ZNF536: variants seen among roughly 807,000 people sequenced by gnomAD.
ZNF536 encodes zinc finger protein 536.
Under a neutral mutation model 84.5 loss-of-function variants are expected in ZNF536, and 13 were observed. The observed-to-expected ratio is 0.15, with a 90% CI of 0.10 to 0.24. The LOEUF is 0.24. ZNF536 is among the 10% of genes least tolerant of loss of function. The pLI is 1.00. For synonymous variants in ZNF536, 811 were observed against 742.5 expected (o/e 1.09, Z -1.50); for missense variants, 1,536 against 1,747.5 (o/e 0.88, Z 2.16).
At chr19:30,537,111 G>C (rs780402534) in intron 3 of ZNF536, among the ~76,000 whole-genome samples, 5 of 152,196 alleles carry the variant, frequency 3.3e-5, no homozygotes, top group Non-Finnish European at 5.9e-5. Flanking sequence ...GGCTGTGTCT[G>C]TTTGTCCAGC....
intron 2 of ZNF536, among the ~76,000 whole-genome samples, chr19:30,304,449 A>G (rs2046286743): frequency 6.6e-6 from 1 of 152,208 alleles, no homozygotes; most frequent in Non-Finnish European, 1.5e-5. Flanking sequence ...AGGAAAGCTG[A>G]GGTCCAGAGA....
At chr19:30,642,640 A>T (rs77452029) in intron 1 of ZNF536, among the ~76,000 whole-genome samples, 1 of 152,304 alleles carries the variant, frequency 6.6e-6, no homozygotes, top group African/African-American at 2.4e-5. Context: ...GGAAATTTTG[A>T]TCATCAGAAG....
chr19:30,410,501 G>A (rs1215951723), intron 1 of ZNF536, among the ~76,000 whole-genome samples: 6 of 136,956 alleles, frequency 4.4e-5, no homozygotes, highest in African/African-American at 6.3e-5. Flanking sequence ...TTGAGACGGA[G>A]TCTCGCTCTG....
intron 2 of ZNF536, among the ~76,000 whole-genome samples, chr19:30,349,286 C>T (rs1292911109): frequency 3.3e-5 from 5 of 152,250 alleles, no homozygotes; most frequent in Non-Finnish European, 5.9e-5. Flanking sequence ...ATGGCTTTCA[C>T]ACATGCAGGC....
intron 1 of ZNF536, among the ~76,000 whole-genome samples, chr19:30,434,484 A>G (rs2051619974): frequency 6.6e-6 from 1 of 152,214 alleles, no homozygotes; most frequent in Middle Eastern, 3.2e-3. Context: ...CAGCCCAACA[A>G]GAATAAATGT....
chr19:30,383,753 C>CT, intron 1 of ZNF536, among the ~76,000 whole-genome samples: 1 of 5,384 alleles, frequency 1.9e-4, no homozygotes, highest in African/African-American at 6.0e-4. Flanking sequence ...CTCTTTCTTT[C>CT]TTTCTCTTTC....
At chr19:30,458,249 G>A (rs2052949250) in intron 2 of ZNF536, among the ~76,000 whole-genome samples, 1 of 151,982 alleles carries the variant, frequency 6.6e-6, no homozygotes, top group African/African-American at 2.4e-5. Flanking sequence ...GGGAATTTGG[G>A]TGGGGAAGTG....
At chr19:30,395,409 G>A (rs1157971779) in intron 1 of ZNF536, among the ~76,000 whole-genome samples, 1 of 152,200 alleles carries the variant, frequency 6.6e-6, no homozygotes, top group East Asian at 1.9e-4. Flanking sequence ...TTAAAACCCA[G>A]CCCTGCTGGT....
At chr19:30,361,778 C>T (rs560280288) in intron 3 of ZNF536, among the ~76,000 whole-genome samples, 5 of 138,054 alleles carry the variant, frequency 3.6e-5, no homozygotes, top group Admixed American at 3.6e-4. Flanking sequence ...CTGAATCTGC[C>T]CCTGCGGGCG....
chr19:30,597,820 A>G (rs2047519374), intron 1 of ZNF536, among the ~76,000 whole-genome samples: 1 of 151,910 alleles, frequency 6.6e-6, no homozygotes, highest in East Asian at 1.9e-4. Context: ...TATAGTTGTT[A>G]CTATTGTTGC....
At chr19:30,530,958 G>A (rs2044786544) in intron 2 of ZNF536, among the ~76,000 whole-genome samples, 1 of 152,196 alleles carries the variant, frequency 6.6e-6, no homozygotes, top group Non-Finnish European at 1.5e-5. Context: ...CACGCACAGT[G>A]CCCTGCGGGT....
At chr19:30,568,446 A>T (rs2046429264) in intron 1 of ZNF536, among the ~76,000 whole-genome samples, 1 of 152,256 alleles carries the variant, frequency 6.6e-6, no homozygotes, top group Non-Finnish European at 1.5e-5. Context: ...GGGAGCAAAG[A>T]TGAGGATTTC....
chr19:30,519,482 T>C (rs55735422), intron 2 of ZNF536, among the ~76,000 whole-genome samples: 14,678 of 152,236 alleles, frequency 0.096, 976 homozygotes, highest in Non-Finnish European at 0.15. Context: ...AGTCTGCAGC[T>C]GCAAGAGGAG....
downstream of ZNF536, among the ~76,000 whole-genome samples, chr19:30,560,442 C>A (rs2146415943): frequency 6.6e-6 from 1 of 152,332 alleles, no homozygotes; most frequent in East Asian, 1.9e-4. Flanking sequence ...AGCCACCACC[C>A]ATCCACATGT....
chr19:30,594,989 G>A (rs888769548), intron 1 of ZNF536, among the ~76,000 whole-genome samples: 2 of 152,112 alleles, frequency 1.3e-5, no homozygotes, highest in Non-Finnish European at 2.9e-5. Context: ...TCCAGGAGGA[G>A]GCTCTTCTGC....
At chr19:30,416,928 G>A (rs2050756299) in intron 1 of ZNF536, among the ~76,000 whole-genome samples, 1 of 151,952 alleles carries the variant, frequency 6.6e-6, no homozygotes, top group South Asian at 2.1e-4. Flanking sequence ...GTGTATTTGA[G>A]GCTGTTCTTT....
intron 2 of ZNF536, among the ~76,000 whole-genome samples, chr19:30,514,537 G>A (rs544747534): frequency 3.4e-4 from 52 of 152,106 alleles, no homozygotes; most frequent in Non-Finnish European, 5.9e-4. Flanking sequence ...CCAGTAGACG[G>A]GAAGACCCAG....
At chr19:30,478,076 G>A (rs192124013) in intron 2 of ZNF536, among the ~76,000 whole-genome samples, 78 of 151,918 alleles carry the variant, frequency 5.1e-4, no homozygotes, top group African/African-American at 1.3e-3. Flanking sequence ...GAAGGAGCTC[G>A]GGAACAGAGA....
At chr19:30,696,271 G>T (rs1443959369) in intron 1 of ZNF536, among the ~76,000 whole-genome samples, 1 of 152,114 alleles carries the variant, frequency 6.6e-6, no homozygotes, top group Non-Finnish European at 1.5e-5. Flanking sequence ...AGTGAGGTGG[G>T]CCACCAGCCC....
Sources: allele counts gnomAD v4.1 joint callset (sites outside exome capture counted in the v4.1 genomes callset), GRCh38; gene constraint gnomAD v4.1.1; transcripts MANE v1.5; gene names NCBI Gene and HGNC (gene_info 2026-07-23, HGNC 2026-07-21).